Variants in SGIP1 observed in about 807,000 individuals in gnomAD.
SGIP1 encodes the protein SH3GL interacting endocytic adaptor 1, also known as SH3-containing GRB2-like protein 3-interacting protein 1.
SGIP1 carries 38 observed loss-of-function variants against 107.5 expected under a neutral mutation model. That is an observed-to-expected ratio of 0.35 (90% CI 0.27 to 0.46). SGIP1 has a LOEUF of 0.46. Ranked by LOEUF, SGIP1 falls within the 20% of genes least tolerant of loss-of-function variation. The pLI, the probability that SGIP1 is intolerant of heterozygous loss-of-function variation, is 1.00. For missense variants in SGIP1, 929 were observed against 1,019.5 expected, an observed-to-expected ratio of 0.91 and a Z score of 1.21; for synonymous variants, 365 against 366.1, an observed-to-expected ratio of 1.00 and a Z score of 0.03.
chr1:66,634,763 G>T (rs949324707), intron 3 of SGIP1, among the ~76,000 whole-genome samples: 4 of 152,196 alleles, frequency 2.6e-5, no homozygotes, highest in Admixed American at 2.6e-4. Context: ...CACTTCCTCA[G>T]AAACAGGCTT....
In SGIP1 at chr1:66,682,168, T is replaced by C; in HGVS notation, c.1114T>C (p.Ser372Pro). 1.9e-6 allele frequency: 3 copies of C among 1,614,174 alleles called. No individual in the cohort carries two copies. Among genetic ancestry groups the C allele is most frequent in the Non-Finnish European group, 8.5e-7 (1 of 1,180,030 alleles). ...TCCTGGGCCTCCTCGCAATGTACTA[T>C]CGCCGCTCAATTTAGAAGAAGTCCA... The part of the protein sequence containing the change: ...GPPGPPRNVL[S>P]PLNLEEVQKK... The change falls in exon 15 of 25, where the codon TCG becomes CCG. Residue 372 changes from serine to proline, a missense_variant. By Grantham distance (74) the Ser-to-Pro change is moderately conservative (BLOSUM62 -1). Coordinates refer to ENST00000371037, the MANE Select transcript of SGIP1 (RefSeq NM_032291.4).
chr1:66,740,605 A>C (rs1483368947), intron 22 of SGIP1, 53 bp from the exon 23 acceptor site: 3 of 1,155,436 alleles, frequency 2.6e-6, no homozygotes, highest in Non-Finnish European at 1.3e-6. Context: ...CATGGCATCC[A>C]GTAAACAAAA....
intron 1 of SGIP1, among the ~76,000 whole-genome samples, chr1:66,538,845 G>A (rs1196913042): frequency 6.6e-6 from 1 of 152,174 alleles, no homozygotes; most frequent in Non-Finnish European, 1.5e-5. Flanking sequence ...AATTTTGGAT[G>A]TTGCTGTTTG....
intron 7 of SGIP1, among the ~76,000 whole-genome samples, chr1:66,647,630 T>A (rs2077879576): frequency 6.6e-6 from 1 of 152,214 alleles, no homozygotes; most frequent in African/African-American, 2.4e-5. Context: ...ATATATGTTT[T>A]AAAATATTCC....
At position 66,743,126 on chromosome 1, in the gene SGIP1, A is replaced by G; in HGVS notation, c.*31A>G. 6.2e-7 allele frequency: 1 copy of G among 1,611,150 alleles called. No homozygotes were observed. On this transcript the variant is annotated 3_prime_UTR_variant, in exon 25 of 25. Coordinates refer to ENST00000371037, the MANE Select transcript of SGIP1 (RefSeq NM_032291.4). ...TCTTATGCAAGGATTTGGAGGATTC[A>G]TATAATGGAGAACTGATGTATGAGA...
intron 1 of SGIP1, among the ~76,000 whole-genome samples, chr1:66,537,570 C>T (rs372522383): frequency 1.3e-5 from 2 of 151,932 alleles, no homozygotes; most frequent in Non-Finnish European, 2.9e-5. Flanking sequence ...AGGCGTTTTG[C>T]GTTTTTAGTT....
intron 1 of SGIP1, among the ~76,000 whole-genome samples, chr1:66,593,649 G>T (rs1490745353): frequency 6.6e-6 from 1 of 152,172 alleles, no homozygotes; most frequent in East Asian, 1.9e-4. Flanking sequence ...GCTCATGCCT[G>T]TAATTCCAGC....
Position 66,689,189 on chromosome 1 carries a change from T to G in SGIP1, c.1357T>G (p.Cys453Gly). The change falls in exon 16 of 25, where the codon TGC (cysteine) becomes GGC (glycine). Residue 453 changes from cysteine (C) to glycine (G), a missense_variant. Physicochemically the swap from Cys to Gly is radical, Grantham distance 159 (BLOSUM62 -3). Transcript: ENST00000371037. Reference protein sequence around the residue: ...PARPATPLVPCRSTTPPPPPP... With the variant: ...PARPATPLVPGRSTTPPPPPP... The stretch of plus-strand genomic sequence containing the variant: ...TCGACCAGCCACTCCTTTGGTTCCT[T>G]GCAGAAGTACCACTCCACCTCCACC... 6.2e-7 allele frequency: 1 copy of G among 1,613,818 alleles called. No individual in the cohort carries two copies. The highest frequency in any genetic ancestry group is 8.5e-7 in the Non-Finnish European group (1 of 1,179,848).
At position 66,682,135 on chromosome 1, in the gene SGIP1, C is replaced by G; in HGVS notation, c.1081C>G (p.Pro361Ala). 1 of 1,614,226 alleles carries G rather than the reference C, an allele frequency of 6.2e-7. No homozygotes were observed. Among genetic ancestry groups the G allele is most frequent in the Non-Finnish European group, 8.5e-7 (1 of 1,180,026 alleles). The change falls in exon 15 of 25, where the codon CCA becomes GCA. Residue 361 changes from proline (P) to alanine (A), a missense_variant. Physicochemically the swap from Pro to Ala is conservative, Grantham distance 27 (BLOSUM62 -1). Coordinates refer to ENST00000371037, the MANE Select transcript of SGIP1 (RefSeq NM_032291.4). Reference sequence around the variant, plus strand: ...CGGCCCCCCAGGTCCCACAGGCCCCCCAGGGCCTCCTGGGCCTCCTCGCAA... The same window carrying G: ...CGGCCCCCCAGGTCCCACAGGCCCCGCAGGGCCTCCTGGGCCTCCTCGCAA... ...PLGPPGPTGP[P>A]GPPGPPRNVL...
At chr1:66,689,690 AG>A (rs1474794278) in intron 16 of SGIP1, among the ~76,000 whole-genome samples, 1 of 152,208 alleles carries the variant, frequency 6.6e-6, no homozygotes, top group Non-Finnish European at 1.5e-5. Flanking sequence ...TGGTGGCTTG[AG>A]GAATTTGTTG....
At chr1:66,636,958 T>C (rs1571027329) in intron 4 of SGIP1, among the ~76,000 whole-genome samples, 2 of 152,178 alleles carry the variant, frequency 1.3e-5, no homozygotes, top group South Asian at 4.2e-4. Flanking sequence ...TTAGCGTCAC[T>C]GTGAGTCTCA....
At chr1:66,609,791 A>G (rs1365900516) in intron 1 of SGIP1, among the ~76,000 whole-genome samples, 1 of 152,224 alleles carries the variant, frequency 6.6e-6, no homozygotes, top group East Asian at 1.9e-4. Flanking sequence ...CATATAATTT[A>G]TCTTGTAAAT....
At chr1:66,711,523 T>A (rs978873311) in intron 18 of SGIP1, among the ~76,000 whole-genome samples, 2 of 152,182 alleles carry the variant, frequency 1.3e-5, no homozygotes, top group Admixed American at 1.3e-4. Context: ...ACTAATATAA[T>A]CAGCTTTTAA....
chr1:66,645,934 G>A (rs1249404504), intron 7 of SGIP1, among the ~76,000 whole-genome samples: 1 of 152,062 alleles, frequency 6.6e-6, no homozygotes, highest in Non-Finnish European at 1.5e-5. Flanking sequence ...TCCACCTCAC[G>A]GGTTCAAGTG....
Position 66,722,851 on chromosome 1 carries a change from C to T in SGIP1, c.1742+3446C>T, listed in dbSNP as rs189292188. 4.3e-4 allele frequency among the ~76,000 whole-genome samples: 66 copies of T among 152,192 alleles called. 1 individual carries two copies. Among genetic ancestry groups the T allele is most frequent in the East Asian group, 1.7e-3 (9 of 5,178 alleles). ...TCTGCACCTGTAAGCTTGATGTCTG[C>T]GGCCTTGGCATTCCAATGACATGGC... On this transcript the variant is annotated intron_variant, in intron 19 of 24. Transcript: ENST00000371037.
At chr1:66,566,628 T>A (rs949638541) in intron 1 of SGIP1, among the ~76,000 whole-genome samples, 1 of 152,122 alleles carries the variant, frequency 6.6e-6, no homozygotes, top group Non-Finnish European at 1.5e-5. Flanking sequence ...ACATGATAGC[T>A]ATGAAAATAT....
intron 15 of SGIP1, among the ~76,000 whole-genome samples, chr1:66,684,538 A>G (rs940575971): frequency 6.6e-6 from 1 of 152,184 alleles, no homozygotes; most frequent in Non-Finnish European, 1.5e-5. Flanking sequence ...GTGTACTTTT[A>G]TTTTCTATGC....
intron 1 of SGIP1, among the ~76,000 whole-genome samples, chr1:66,612,047 G>A (rs1266177109): frequency 2.6e-5 from 4 of 152,090 alleles, no homozygotes; most frequent in Non-Finnish European, 2.9e-5. Context: ...TTTGGCTTTC[G>A]GTTCTGCAGG....
Position 66,729,316 on chromosome 1 carries a change from A to C in SGIP1, c.1795A>C (p.Thr599Pro). 1 of 1,614,110 alleles carries C rather than the reference A, an allele frequency of 6.2e-7. No individual in the cohort carries two copies. Among genetic ancestry groups the C allele is most frequent in the Non-Finnish European group, 8.5e-7 (1 of 1,179,996 alleles). Reference protein sequence around the residue: ...EMVLSFPAGITRHFANNPSPA... With the variant: ...EMVLSFPAGIPRHFANNPSPA... ...GGTGTTGTCATTTCCTGCTGGCATCACCAGACACTTTGCCAACAACCCGTC... is the reference window on the plus strand; with the variant it reads ...GGTGTTGTCATTTCCTGCTGGCATCCCCAGACACTTTGCCAACAACCCGTC... The change falls in exon 20 of 25, where the codon ACC (threonine) becomes CCC (proline). Residue 599 changes from threonine to proline, a missense_variant. Coordinates refer to ENST00000371037, the MANE Select transcript of SGIP1 (RefSeq NM_032291.4).
Sources: gnomAD v4.1 joint callset for allele counts (sites outside exome capture counted in the v4.1 genomes callset) on GRCh38, gnomAD v4.1.1 for gene constraint, MANE v1.5 for transcripts, NCBI Gene and HGNC (gene_info 2026-07-23, HGNC 2026-07-21) for gene names.